Variants in SYNJ2 observed in about 807,000 individuals in gnomAD.
SYNJ2 encodes polyphosphatidylinositol phosphatase SYNJ2.
SYNJ2 carries 116 observed loss-of-function variants against 141.3 expected under a neutral mutation model. That is an observed-to-expected ratio of 0.82 (90% CI 0.71 to 0.96). SYNJ2 has a LOEUF of 0.96. SYNJ2 is among the 40% of genes least tolerant of loss of function. The pLI is 0.00. For synonymous variants in SYNJ2, 745 were observed against 777.7 expected, an observed-to-expected ratio of 0.96 and a Z score of 0.70; for missense variants, 1,873 against 1,934.8, an observed-to-expected ratio of 0.97 and a Z score of 0.60.
At chr6:158,022,945 C>A (rs1778851080) in intron 2 of SYNJ2, among the ~76,000 whole-genome samples, 1 of 152,220 alleles carries the variant, frequency 6.6e-6, no homozygotes, top group Admixed American at 6.5e-5. Context: ...AGCCAGGACA[C>A]TTTCCTTAAA....
intron 1 of SYNJ2, among the ~76,000 whole-genome samples, chr6:157,993,801 T>G (rs1195076911): frequency 1.2e-4 from 2 of 16,734 alleles, no homozygotes; most frequent in African/African-American, 6.3e-4. Context: ...GTGTGGGTTT[T>G]TTTTTTTTTT....
chr6:158,088,528 G>T, intron 23 of SYNJ2, 132 bp from the exon 24 acceptor site: 1 of 672,320 alleles, frequency 1.5e-6, no homozygotes, highest in South Asian at 1.8e-5. Flanking sequence ...CCTAAGTGCC[G>T]AGTGAGTATT....
chr6:158,015,282 T>C (rs2128326730), intron 1 of SYNJ2, among the ~76,000 whole-genome samples: 1 of 152,226 alleles, frequency 6.6e-6, no homozygotes, highest in South Asian at 2.1e-4. Flanking sequence ...ACTGTGGGAG[T>C]CGAGGCAGCC....
At chr6:158,074,115 C>T (rs890840161) in intron 15 of SYNJ2, among the ~76,000 whole-genome samples, 7 of 151,774 alleles carry the variant, frequency 4.6e-5, no homozygotes, top group Admixed American at 2.0e-4. Flanking sequence ...GAAGGAGGAG[C>T]TAGAGAGAGA....
intron 2 of SYNJ2, among the ~76,000 whole-genome samples, chr6:158,019,520 G>T (rs1019673952): frequency 6.6e-6 from 1 of 152,194 alleles, no homozygotes; most frequent in Non-Finnish European, 1.5e-5. Flanking sequence ...TGTCTGCGGG[G>T]GTCAGCAGGG....
chr6:158,043,528 C>A lies in SYNJ2; in HGVS notation c.795+129C>A. ...TAGTTTCCAGTCTTTTTCCTCAGCC[C>A]TGTTGTGTTGAGCTGAGCTATCAAA... is the stretch of plus-strand genomic sequence containing the variant. On this transcript the variant is annotated intron_variant, in intron 5 of 26. Transcript: ENST00000355585. This position sits in a 1 kb window ranked among gnomAD's most constrained non-coding sequence, Gnocchi z 4.0. The A allele has an allele frequency of 3.0e-6, 2 of 675,582 alleles. No homozygotes were observed. Among genetic ancestry groups the A allele is most frequent in the East Asian group, 2.7e-5 (1 of 36,404 alleles). The allele number at this position is 675,582 out of a possible 1,614,324, so 41.8% of individuals were successfully genotyped here. A position where few individuals can be genotyped will look rare whatever the true frequency, so the allele number is the denominator to read the frequency against.
At chr6:158,006,363 G>A (rs1778071560) in intron 1 of SYNJ2, among the ~76,000 whole-genome samples, 1 of 152,062 alleles carries the variant, frequency 6.6e-6, no homozygotes, top group Non-Finnish European at 1.5e-5. Flanking sequence ...TACTGAAACT[G>A]TTCCTCTCTG....
chr6:157,998,836 C>T (rs1002725562), intron 1 of SYNJ2, among the ~76,000 whole-genome samples: 23 of 152,294 alleles, frequency 1.5e-4, no homozygotes, highest in Admixed American at 5.9e-4. Flanking sequence ...AATCTTCACC[C>T]GGTGAACACA....
At chr6:158,041,716 G>A (rs1779956671) in intron 4 of SYNJ2, among the ~76,000 whole-genome samples, 1 of 152,190 alleles carries the variant, frequency 6.6e-6, no homozygotes, top group Non-Finnish European at 1.5e-5. Context: ...GGTTTTTGTT[G>A]TTGTTTGGTG....
chr6:158,024,777 A>G (rs1413025509), intron 2 of SYNJ2, among the ~76,000 whole-genome samples: 1 of 152,178 alleles, frequency 6.6e-6, no homozygotes, highest in East Asian at 1.9e-4. Context: ...GACTGGAAAT[A>G]TGAGTGAAAG....
chr6:158,075,311 T>C (rs116117423), intron 16 of SYNJ2, among the ~76,000 whole-genome samples: 1,556 of 152,114 alleles, frequency 0.01, 31 homozygotes, highest in African/African-American at 0.035. Context: ...GGGGAGTACA[T>C]TTAAATTCCA....
rs982655594 is a variant in SYNJ2 at position 158,012,043 on chromosome 6, C to T, written c.128-5161C>T. On this transcript the variant is annotated intron_variant, in intron 1 of 26. Transcript: ENST00000355585. Reference sequence around the variant, plus strand: ...CTGGGGGAAGACATTTGGCAATGCACACAGCCTTTGTTTCTGCCTGTGAAG... The same window carrying T: ...CTGGGGGAAGACATTTGGCAATGCATACAGCCTTTGTTTCTGCCTGTGAAG... Among the ~76,000 whole-genome samples the T allele has an allele frequency of 2.6e-5, 4 of 152,200 alleles. No individual in the cohort carries two copies. In the East Asian group the frequency reaches 5.8e-4, roughly 22 times the overall value.
Position 158,096,011 on chromosome 6 carries a change from C to T in SYNJ2, c.4138C>T (p.Gln1380Ter). The T allele has an allele frequency of 6.2e-7, 1 of 1,614,252 alleles. No individual in the cohort carries two copies. Residue 1380 changes from glutamine (Q) to a stop codon, truncating the protein, a stop_gained, in exon 27 of 27, where the codon CAA becomes TAA. Coordinates refer to ENST00000355585, the MANE Select transcript of SYNJ2 (RefSeq NM_003898.4). LOFTEE classifies it low-confidence loss of function (END_TRUNC). ...ACCTGCCGCGGGCACCGTCTTCCCA[C>T]AAGGGGACTTTCTCAGCACTTCATC... The part of the protein sequence containing the change: ...HPPAAGTVFP[Q>*]GDFLSTSSAT...
chr6:158,077,486 T>TC (rs1782379197), intron 17 of SYNJ2, among the ~76,000 whole-genome samples: 2 of 151,972 alleles, frequency 1.3e-5, no homozygotes, highest in African/African-American at 4.8e-5. Context: ...TCAGCTACAC[T>TC]TTTACCTGCT....
intron 5 of SYNJ2, among the ~76,000 whole-genome samples, chr6:158,048,121 C>T (rs1411287863): frequency 6.6e-6 from 1 of 152,134 alleles, no homozygotes; most frequent in Non-Finnish European, 1.5e-5. Flanking sequence ...GTGTAGGGGG[C>T]ACCAGGGATC....
Position 157,981,965 on chromosome 6 carries a change from G to T in SYNJ2, c.4G>T (p.Ala2Ser). M[A>S]LSKGLRLLGR... ...GCCCGCAGTGGGCCCGACCCTCATG[G>T]CCCTGAGCAAAGGGCTGCGGCTGCT... The change falls in exon 1 of 27, where the codon GCC (alanine) becomes TCC (serine). Residue 2 changes from alanine to serine, a missense_variant. Coordinates refer to ENST00000355585, the MANE Select transcript of SYNJ2 (RefSeq NM_003898.4). This position sits in a 1 kb window ranked among gnomAD's most constrained non-coding sequence, Gnocchi z 6.4. 1 of 1,251,934 alleles carries T rather than the reference G, an allele frequency of 8.0e-7. No individual in the cohort carries two copies. Among genetic ancestry groups the T allele is most frequent in the Non-Finnish European group, 1.0e-6 (1 of 998,218 alleles). The allele number at this position is 1,251,934 out of a possible 1,614,324, so 77.6% of individuals were successfully genotyped here.
rs971888586 is a variant in SYNJ2 at position 158,087,504 on chromosome 6, C to T, written c.3343+515C>T. Among the ~76,000 whole-genome samples, 59 of 152,188 alleles carry T rather than the reference C, an allele frequency of 3.9e-4. 3 individuals are homozygous for T. The highest frequency in any genetic ancestry group is 4.1e-4 in the South Asian group (2 of 4,828). On this transcript the variant is annotated intron_variant, in intron 23 of 26. Coordinates refer to ENST00000355585, the MANE Select transcript of SYNJ2 (RefSeq NM_003898.4). ...TTTTCTTCTGGTTGTTCGAACAATGCTTTGCCCGTCCAGCCCTCCCTGATA... is the reference window on the plus strand; with the variant it reads ...TTTTCTTCTGGTTGTTCGAACAATGTTTTGCCCGTCCAGCCCTCCCTGATA...
At chr6:158,076,859 A>G in intron 17 of SYNJ2, 77 bp downstream of exon 17, 4 of 1,490,710 alleles carry the variant, frequency 2.7e-6, no homozygotes, top group Non-Finnish European at 3.6e-6. Flanking sequence ...ACGTTTACCC[A>G]ACCCCAGGCG....
intron 5 of SYNJ2, among the ~76,000 whole-genome samples, chr6:158,048,613 C>T (rs756601728): frequency 3.9e-5 from 6 of 152,154 alleles, no homozygotes; most frequent in African/African-American, 1.2e-4. Context: ...TATCTGGGGC[C>T]GGGAGCCAGG....
Sources: gnomAD v4.1 joint callset for allele counts (sites outside exome capture counted in the v4.1 genomes callset) on GRCh38, gnomAD v4.1.1 for gene constraint, Gnocchi (gnomAD v3.1) non-coding constraint, MANE v1.5 for transcripts, NCBI Gene and HGNC (gene_info 2026-07-23, HGNC 2026-07-21) for gene names.